Variants in FIP1L1 observed in about 807,000 individuals in gnomAD.
The protein encoded by FIP1L1 is pre-mRNA 3'-end-processing factor FIP1.
A neutral mutation model predicts 84.6 loss-of-function variants in FIP1L1; 21 were observed. That is an observed-to-expected ratio of 0.25 (90% CI 0.18 to 0.36). The LOEUF (loss-of-function observed/expected upper bound fraction) is 0.36, where lower values mean the gene tolerates loss of function less well. FIP1L1 is among the 10% of genes least tolerant of loss of function. FIP1L1 has a pLI of 1.00. For missense variants in FIP1L1, 526 were observed against 751.1 expected, an observed-to-expected ratio of 0.70 and a Z score of 3.50; for synonymous variants, 263 against 242.3, an observed-to-expected ratio of 1.09 and a Z score of -0.80.
chr4:53,377,717 C>G lies in FIP1L1; in HGVS notation c.-122C>G, dbSNP rs1560474155. The G allele has an allele frequency of 2.2e-6, 2 of 900,094 alleles. No homozygotes were observed. The highest frequency in any genetic ancestry group is 1.9e-5 in the South Asian group (1 of 52,324). 55.8% of individuals were successfully genotyped at this position (900,094 alleles called of 1,614,324 possible). A position where few individuals can be genotyped will look rare whatever the true frequency, so the allele number is the denominator to read the frequency against. ...CGTCGCCTTCCTGGGATTGGAGTCTCGAGCTTTCTTCGTTCGTTCGTCGGC... is the reference window on the plus strand; with the variant it reads ...CGTCGCCTTCCTGGGATTGGAGTCTGGAGCTTTCTTCGTTCGTTCGTCGGC... On this transcript the variant is annotated 5_prime_UTR_variant, in exon 1 of 18. Transcript: ENST00000337488.
In FIP1L1 at chr4:53,440,521, T is replaced by C. The variant is rs1033813962; in HGVS notation, c.1175-2132T>C. On this transcript the variant is annotated intron_variant, in intron 13 of 17. Transcript: ENST00000337488. ...TTCAAAGTTTGTTTTGGTGATGGCA[T>C]AAATACATAACAGGTTCTGAAATCC... 3 of 1,093,368 alleles carry C rather than the reference T, an allele frequency of 2.7e-6. No individual in the cohort carries two copies. The African/African-American group carries it at 4.8e-5, about 17-fold the overall frequency. 67.7% of individuals were successfully genotyped at this position (1,093,368 alleles called of 1,614,324 possible).
intron 9 of FIP1L1, among the ~76,000 whole-genome samples, chr4:53,392,716 A>ATTT (rs1744917716): frequency 1.3e-5 from 2 of 149,236 alleles, no homozygotes; most frequent in African/African-American, 5.1e-5. Context: ...AGACTTAAAA[A>ATTT]GAGAATAAAA....
At chr4:53,447,124 G>T (rs1421656909) in intron 15 of FIP1L1, among the ~76,000 whole-genome samples, 1 of 151,820 alleles carries the variant, frequency 6.6e-6, no homozygotes, top group Non-Finnish European at 1.5e-5. Flanking sequence ...TTTGTTTTTT[G>T]ATGTGTTTTT....
intron 4 of FIP1L1, 114 bp downstream of exon 4, chr4:53,382,449 G>C: frequency 1.3e-6 from 1 of 746,628 alleles, no homozygotes; most frequent in East Asian, 2.6e-5. Context: ...GGTGTTATCT[G>C]GCCCTTTCTT....
intron 5 of FIP1L1, among the ~76,000 whole-genome samples, chr4:53,389,519 T>C (rs1742998531): frequency 6.6e-6 from 1 of 152,216 alleles, no homozygotes; most frequent in African/African-American, 2.4e-5. Context: ...TTTAAAATGT[T>C]TTTTAAAATA....
intron 13 of FIP1L1, among the ~76,000 whole-genome samples, chr4:53,437,404 A>G (rs1387010333): frequency 6.7e-6 from 1 of 149,922 alleles, no homozygotes; most frequent in Non-Finnish European, 1.5e-5. Context: ...GTAGGCTCTC[A>G]TAGTCCTTTT....
chr4:53,409,535 G>A (rs1166300096), intron 10 of FIP1L1, among the ~76,000 whole-genome samples: 2 of 152,142 alleles, frequency 1.3e-5, no homozygotes, highest in East Asian at 3.9e-4. Flanking sequence ...AAGCAGACAG[G>A]GACATTTAAG....
intron 15 of FIP1L1, among the ~76,000 whole-genome samples, chr4:53,446,609 T>C (rs1225204580): frequency 6.6e-6 from 1 of 152,184 alleles, no homozygotes; most frequent in Non-Finnish European, 1.5e-5. Context: ...AAGTACTTGG[T>C]ATGATGCCTT....
intron 13 of FIP1L1, among the ~76,000 whole-genome samples, chr4:53,434,597 G>A (rs188311278): frequency 4.6e-5 from 7 of 151,646 alleles, no homozygotes; most frequent in Admixed American, 6.6e-5. Flanking sequence ...TCAGCCTCCC[G>A]AGCAGCTGGG....
chr4:53,446,730 A>C (rs1774344213), intron 15 of FIP1L1, among the ~76,000 whole-genome samples: 1 of 152,202 alleles, frequency 6.6e-6, no homozygotes, highest in African/African-American at 2.4e-5. Flanking sequence ...TATTTGTTTC[A>C]ATACAGATAA....
At chr4:53,416,395 A>G (rs1332532731) in intron 11 of FIP1L1, among the ~76,000 whole-genome samples, 1 of 152,234 alleles carries the variant, frequency 6.6e-6, no homozygotes, top group Non-Finnish European at 1.5e-5. Context: ...TGAATTAAGG[A>G]AAGTTTCCTA....
At chr4:53,389,698 C>A in intron 5 of FIP1L1, 111 bp from the exon 6 acceptor site, 1 of 751,562 alleles carries the variant, frequency 1.3e-6, no homozygotes, top group East Asian at 2.7e-5. Flanking sequence ...GTGTGTCACA[C>A]TATCCATTTA....
chr4:53,443,386 G>T (rs1238749454), intron 14 of FIP1L1, among the ~76,000 whole-genome samples: 1 of 152,090 alleles, frequency 6.6e-6, no homozygotes, highest in African/African-American at 2.4e-5. Flanking sequence ...TAAAGTGCAA[G>T]TATAATTCTT....
At chr4:53,447,935 T>A (rs1417214244) in intron 15 of FIP1L1, among the ~76,000 whole-genome samples, 2 of 152,086 alleles carry the variant, frequency 1.3e-5, no homozygotes, top group Non-Finnish European at 2.9e-5. Flanking sequence ...GGCATTGTGT[T>A]GGCTCTCAGA....
At chr4:53,437,356 G>C (rs1371844697) in intron 13 of FIP1L1, among the ~76,000 whole-genome samples, 1 of 137,222 alleles carries the variant, frequency 7.3e-6, no homozygotes, top group African/African-American at 2.7e-5. Context: ...AAAAAAAAGA[G>C]AGAGAAATCA....
At chr4:53,405,301 CA>C (rs1474617739) in intron 10 of FIP1L1, among the ~76,000 whole-genome samples, 20 of 151,952 alleles carry the variant, frequency 1.3e-4, no homozygotes, top group Admixed American at 4.6e-4. Flanking sequence ...TCAGGTTTGT[CA>C]AAGATCAGAT....
chr4:53,436,971 C>T (rs1769508782), intron 13 of FIP1L1, among the ~76,000 whole-genome samples: 1 of 152,054 alleles, frequency 6.6e-6, no homozygotes. Flanking sequence ...GGGTAGATTG[C>T]TTGAGTTCAG....
At chr4:53,411,153 G>A (rs1375997483) in intron 10 of FIP1L1, among the ~76,000 whole-genome samples, 1 of 152,140 alleles carries the variant, frequency 6.6e-6, no homozygotes, top group Non-Finnish European at 1.5e-5. Flanking sequence ...TATAAAAAAG[G>A]GATGAAGGGG....
chr4:53,397,899 G>A (rs1748247342), intron 9 of FIP1L1, among the ~76,000 whole-genome samples: 1 of 152,116 alleles, frequency 6.6e-6, no homozygotes, highest in Non-Finnish European at 1.5e-5. Flanking sequence ...TTTGGCCATG[G>A]TAACTTTGAG....
Sources: allele counts gnomAD v4.1 joint callset (sites outside exome capture counted in the v4.1 genomes callset), GRCh38; gene constraint gnomAD v4.1.1; transcripts MANE v1.5; gene names NCBI Gene and HGNC (gene_info 2026-07-23, HGNC 2026-07-21).